The following EYS variants were observed in gnomAD, a reference collection of about 807,000 sequenced individuals.
The protein encoded by EYS is EGF-like photoreceptor maintenance factor.
A neutral mutation model predicts 282.1 loss-of-function variants in EYS; 250 were observed. That is an observed-to-expected ratio of 0.89 (90% CI 0.80 to 0.98). The LOEUF is 0.98. EYS is among the 50% of genes least tolerant of loss of function. The pLI is 0.00. For missense variants in EYS, 4,016 were observed against 3,709.0 expected (o/e 1.08, Z -2.15); for synonymous variants, 1,355 against 1,282.9 (o/e 1.06, Z -1.20).
intron 2 of EYS, among the ~76,000 whole-genome samples, chr6:65,625,211 C>T (rs937043833): frequency 3.9e-5 from 6 of 152,080 alleles, no homozygotes; most frequent in South Asian, 4.1e-4. Context: ...GCAATCTGAG[C>T]GAGCAAGGAA....
At chr6:65,269,110 T>C (rs1240482602) in intron 12 of EYS, among the ~76,000 whole-genome samples, 1 of 152,152 alleles carries the variant, frequency 6.6e-6, no homozygotes, top group African/African-American at 2.4e-5. Flanking sequence ...TTTGTCAGTA[T>C]CAGCTCTTAA....
chr6:65,519,208 A>C (rs1221179602), intron 2 of EYS, among the ~76,000 whole-genome samples: 1 of 151,958 alleles, frequency 6.6e-6, no homozygotes, highest in Non-Finnish European at 1.5e-5. Flanking sequence ...TGGAGATACA[A>C]TTGATTATTG....
intron 11 of EYS, among the ~76,000 whole-genome samples, chr6:65,299,336 T>A (rs986574341): frequency 1.4e-4 from 22 of 152,138 alleles, no homozygotes; most frequent in Non-Finnish European, 2.8e-4. Context: ...TAACACTAAT[T>A]TTATAATTAG....
intron 35 of EYS, among the ~76,000 whole-genome samples, chr6:63,896,394 T>C (rs1275258541): frequency 6.6e-6 from 1 of 152,220 alleles, no homozygotes; most frequent in Non-Finnish European, 1.5e-5. Flanking sequence ...AGTTATTTTT[T>C]AGTAGATTTT....
chr6:63,863,119 T>C (rs1772576170), intron 36 of EYS, among the ~76,000 whole-genome samples: 5 of 152,268 alleles, frequency 3.3e-5, no homozygotes, highest in Admixed American at 3.3e-4. Flanking sequence ...GGTAGCCTTA[T>C]TCTAAAATTT....
intron 14 of EYS, among the ~76,000 whole-genome samples, chr6:64,994,046 T>C (rs1771165982): frequency 6.6e-6 from 1 of 150,702 alleles, no homozygotes; most frequent in Non-Finnish European, 1.5e-5. Flanking sequence ...GAAACTAAAA[T>C]GAGAGGGGAA....
rs764614184 is a variant in EYS at position 65,199,955 on chromosome 6, A to G, written c.2023+95908T>C. 2.1e-4 allele frequency among the ~76,000 whole-genome samples: 32 copies of G among 151,996 alleles called. 1 individual carries two copies. The highest frequency in any genetic ancestry group is 4.0e-4 in the Non-Finnish European group (27 of 68,002). Reference sequence around the variant, plus strand: ...TTGAGGATAGTATAAATCATGGATGAGTATAAACAGATTATATTGGGGTTT... The same window carrying G: ...TTGAGGATAGTATAAATCATGGATGGGTATAAACAGATTATATTGGGGTTT... On this transcript the variant is annotated intron_variant, in intron 12 of 42. Coordinates refer to ENST00000503581, the MANE Select transcript of EYS (RefSeq NM_001142800.2).
chr6:64,948,602 AAAT>A (rs1295590520), intron 14 of EYS, among the ~76,000 whole-genome samples: 6 of 146,894 alleles, frequency 4.1e-5, no homozygotes, highest in South Asian at 2.1e-4. Context: ...ATTAAATATT[AAAT>A]AATATTAAAT....
chr6:65,274,765 A>G (rs895933473), intron 12 of EYS, among the ~76,000 whole-genome samples: 1 of 152,144 alleles, frequency 6.6e-6, no homozygotes, highest in Admixed American at 6.6e-5. Context: ...AGACATTTAC[A>G]TATCAGAGGG....
chr6:64,803,627 T>C (rs1764330665), intron 22 of EYS, among the ~76,000 whole-genome samples: 1 of 152,152 alleles, frequency 6.6e-6, no homozygotes, highest in Non-Finnish European at 1.5e-5. Flanking sequence ...GCTCAGGCTG[T>C]TCTTGTGGAG....
intron 16 of EYS, among the ~76,000 whole-genome samples, chr6:64,911,605 G>A (rs949643162): frequency 7.2e-5 from 11 of 152,080 alleles, no homozygotes; most frequent in Non-Finnish European, 2.9e-5. Flanking sequence ...CCAGTGAGAG[G>A]CAGGAAAACA....
chr6:64,303,957 A>G (rs928176625), intron 30 of EYS, among the ~76,000 whole-genome samples: 1 of 152,100 alleles, frequency 6.6e-6, no homozygotes, highest in Non-Finnish European at 1.5e-5. Context: ...GAGTTTATCT[A>G]AATAGCTTGT....
intron 12 of EYS, among the ~76,000 whole-genome samples, chr6:65,136,464 G>C (rs1776025197): frequency 6.6e-6 from 1 of 151,786 alleles, no homozygotes; most frequent in South Asian, 2.1e-4. Flanking sequence ...AACTAGCAAG[G>C]TCTACCCTGA....
chr6:64,285,680 G>T (rs1229827125), intron 30 of EYS, among the ~76,000 whole-genome samples: 6 of 152,168 alleles, frequency 3.9e-5, no homozygotes, highest in Non-Finnish European at 8.8e-5. Flanking sequence ...AGAAAAAGAG[G>T]TTTAATTGGA....
intron 5 of EYS, among the ~76,000 whole-genome samples, chr6:65,449,396 G>T (rs1413170290): frequency 6.6e-6 from 1 of 152,026 alleles, no homozygotes; most frequent in Admixed American, 6.6e-5. Context: ...TTTCTTAGGA[G>T]ATTTTTCTGC....
intron 15 of EYS, among the ~76,000 whole-genome samples, chr6:64,916,989 G>T (rs1205927252): frequency 1.3e-5 from 2 of 152,196 alleles, no homozygotes; most frequent in African/African-American, 2.4e-5. Flanking sequence ...GTTGGCTCAC[G>T]CCTGTAATCC....
intron 36 of EYS, among the ~76,000 whole-genome samples, chr6:63,832,863 C>G (rs1771685404): frequency 6.6e-6 from 1 of 152,182 alleles, no homozygotes; most frequent in Non-Finnish European, 1.5e-5. Flanking sequence ...AAAAGCTTAT[C>G]CACCATGATC....
intron 12 of EYS, among the ~76,000 whole-genome samples, chr6:65,236,171 G>A (rs1766917830): frequency 6.6e-6 from 1 of 151,966 alleles, no homozygotes; most frequent in Non-Finnish European, 1.5e-5. Context: ...AATATCTTGA[G>A]GATCCTAATA....
intron 26 of EYS, among the ~76,000 whole-genome samples, chr6:64,475,162 T>C (rs1395928077): frequency 2.0e-5 from 3 of 152,150 alleles, no homozygotes; most frequent in Non-Finnish European, 2.9e-5. Flanking sequence ...TCTCCTTAAT[T>C]TGACAAGTTT....
Sources: allele counts gnomAD v4.1 joint callset (sites outside exome capture counted in the v4.1 genomes callset), GRCh38; gene constraint gnomAD v4.1.1; transcripts MANE v1.5; gene names NCBI Gene and HGNC (gene_info 2026-07-23, HGNC 2026-07-21).